The following CD4 variants were observed in gnomAD, a reference collection of about 807,000 sequenced individuals.
CD4 encodes CD4 molecule.
A neutral mutation model predicts 50.5 loss-of-function variants in CD4; 25 were observed. The observed-to-expected ratio is 0.49, with a 90% CI of 0.36 to 0.69. The LOEUF (loss-of-function observed/expected upper bound fraction) is 0.69, where lower values mean the gene tolerates loss of function less well. CD4 is among the 30% of genes least tolerant of loss of function. CD4 has a pLI of 0.00. For missense variants in CD4, 456 were observed against 548.5 expected, an observed-to-expected ratio of 0.83 and a Z score of 1.68; for synonymous variants, 207 against 221.9, an observed-to-expected ratio of 0.93 and a Z score of 0.60.
intron 1 of CD4, among the ~76,000 whole-genome samples, chr12:6,798,251 C>G (rs1179312955): frequency 2.3e-5 from 2 of 86,110 alleles, no homozygotes; most frequent in South Asian, 2.4e-4. Context: ...CTCACTGCCA[C>G]CTCTGCCTCC....
At chr12:6,817,431 G>GAATCCAACATCAAGGGTAA in intron 7 of CD4, 101 bp downstream of exon 7, 1 of 987,976 alleles carries the variant, frequency 1.0e-6, no homozygotes, top group South Asian at 1.5e-5. Flanking sequence ...GCCTGAGTTG[G>GAATCCAACATCAAGGGTAA]GGGGTTATGG....
In CD4 at chr12:6,792,916, G is replaced by A. The variant is rs937950956; in HGVS notation, c.-68+3254G>A. Reference sequence around the variant, plus strand: ...GGGGGCATAAGCTGGGGGCTGGGAAGCATAGATACAGAAATGCACAGATGT... The same window carrying A: ...GGGGGCATAAGCTGGGGGCTGGGAAACATAGATACAGAAATGCACAGATGT... On this transcript the variant is annotated intron_variant, in intron 1 of 9. Transcript: ENST00000011653. The surrounding 1 kb of genome is among the most constrained non-coding windows in gnomAD (Gnocchi z 4.1). Among the ~76,000 whole-genome samples, 6 of 152,106 alleles carry A rather than the reference G, an allele frequency of 3.9e-5. No individual in the cohort carries two copies. The highest frequency in any genetic ancestry group is 8.8e-5 in the Non-Finnish European group (6 of 68,016).
chr12:6,801,483 C>T (rs1283565332), intron 3 of CD4, among the ~76,000 whole-genome samples: 1 of 146,310 alleles, frequency 6.8e-6, no homozygotes, highest in Admixed American at 6.9e-5. Context: ...CACCACTGCA[C>T]TCCAGCCTGG....
Position 6,814,847 on chromosome 12 carries a change from A to G in CD4, c.462A>G (p.Gln154=), listed in dbSNP as rs782132916. The change falls in exon 5 of 10, where the codon CAA becomes CAG. Residue 154 remains glutamine, a synonymous_variant. Transcript: ENST00000011653. ...CCCCTGGTAGTAGCCCCTCAGTGCA[A>G]TGTAGGAGTCCAAGGGGTAAAAACA... is the stretch of plus-strand genomic sequence containing the variant. ...ESPPGSSPSV[Q]CRSPRGKNIQ... is the part of the protein sequence containing the mutation. 6.2e-7 allele frequency: 1 copy of G among 1,613,364 alleles called. No individual in the cohort carries two copies. Among genetic ancestry groups the G allele is most frequent in the African/African-American group, 1.3e-5 (1 of 74,786 alleles).
At chr12:6,807,458 A>G (rs550609567) in intron 3 of CD4, among the ~76,000 whole-genome samples, 75 of 152,324 alleles carry the variant, frequency 4.9e-4, no homozygotes, top group Admixed American at 1.1e-3. Flanking sequence ...AAAAAAAGCC[A>G]ATCTCAAAAG....
At chr12:6,800,549 T>C (rs1168125429) in intron 3 of CD4, 78 bp downstream of exon 3, 4 of 1,306,594 alleles carry the variant, frequency 3.1e-6, no homozygotes, top group Non-Finnish European at 4.2e-6. Context: ...GATCTGGTCT[T>C]AGTTAAACTC....
At chr12:6,794,786 G>GTTTTTTTTTTTTTTTTT (rs1220016459) in intron 1 of CD4, among the ~76,000 whole-genome samples, 1 of 105,370 alleles carries the variant, frequency 9.5e-6, no homozygotes, top group African/African-American at 3.5e-5. Flanking sequence ...TTTTTTTTTT[G>GTTTTTTTTTTTTTTTTT]TTTTTTTTTT....
In CD4 at chr12:6,818,844, C is replaced by T. The variant is rs782371596; in HGVS notation, c.1279-3C>T. ...CGTGACTCCCTTTCTTGTCCCTGGA[C>T]AGCGCCAAGCAGAGCGGATGTCTCA... On this transcript the variant is annotated splice_region_variant and splice_polypyrimidine_tract_variant and intron_variant, in intron 8 of 9. Transcript: ENST00000011653. The surrounding 1 kb of genome is among the most constrained non-coding windows in gnomAD (Gnocchi z 5.0). The T allele has an allele frequency of 1.2e-6, 2 of 1,613,170 alleles. No homozygotes were observed. Among genetic ancestry groups the T allele is most frequent in the Middle Eastern group, 1.6e-4 (1 of 6,062 alleles).
chr12:6,806,859 G>C (rs1235142545), intron 3 of CD4, among the ~76,000 whole-genome samples: 1 of 152,178 alleles, frequency 6.6e-6, no homozygotes, highest in African/African-American at 2.4e-5. Flanking sequence ...AAAACAGTTT[G>C]ATAGTTTCTT....
rs145973129 is a variant in CD4, at chr12:6,818,898, A to G, written c.1330A>G (p.Thr444Ala). Residue 444 changes from threonine (T) to alanine (A), a missense_variant, in exon 9 of 10, where the codon ACC (threonine) becomes GCC (alanine). Thr to Ala is a moderately conservative substitution (Grantham distance 58). Transcript: ENST00000011653. The surrounding 1 kb of genome is among the most constrained non-coding windows in gnomAD (Gnocchi z 5.0). ...QIKRLLSEKKTCQCPHRFQKT... is the reference protein window; with the variant it reads ...QIKRLLSEKKACQCPHRFQKT... ...CAAGAGACTCCTCAGTGAGAAGAAG[A>G]CCTGCCAGTGTCCTCAGTAAGGATC... is the stretch of plus-strand genomic sequence containing the variant. 2.5e-4 allele frequency: 388 copies of G among 1,580,298 alleles called. 1 individual carries two copies. Among genetic ancestry groups the G allele is most frequent in the Non-Finnish European group, 3.0e-4 (345 of 1,162,292 alleles).
chr12:6,793,840 C>T (rs1419937267), intron 1 of CD4, among the ~76,000 whole-genome samples: 2 of 151,488 alleles, frequency 1.3e-5, no homozygotes, highest in South Asian at 2.1e-4. Context: ...TTAGTAGACA[C>T]GGGGGTTTCA....
At chr12:6,794,724 C>T (rs187041714) in intron 1 of CD4, among the ~76,000 whole-genome samples, 184 of 148,250 alleles carry the variant, frequency 1.2e-3, no homozygotes, top group Admixed American at 2.3e-3. Context: ...TCTATTTTAT[C>T]TGTTTATCTT....
Position 6,804,212 on chromosome 12 carries a change from C to G in CD4, c.214+3741C>G, listed in dbSNP as rs782385034. On this transcript the variant is annotated intron_variant, in intron 3 of 9. Coordinates refer to ENST00000011653, the MANE Select transcript of CD4 (RefSeq NM_000616.5). ...CACACAATGCAAAAGACCCACCCTA[C>G]TACAACTAACATTATATTTAATGGT... 2.2e-4 allele frequency among the ~76,000 whole-genome samples: 33 copies of G among 152,000 alleles called. No homozygotes were observed. The South Asian group carries it at 6.8e-3, about 32-fold the overall frequency.
chr12:6,812,453 G>A (rs1555117138), intron 3 of CD4, among the ~76,000 whole-genome samples: 1 of 152,194 alleles, frequency 6.6e-6, no homozygotes, highest in Non-Finnish European at 1.5e-5. Context: ...GCCAAGGCGA[G>A]CGGATCACCT....
At chr12:6,817,814 C>A (rs1555118216) in intron 7 of CD4, among the ~76,000 whole-genome samples, 1 of 150,806 alleles carries the variant, frequency 6.6e-6, no homozygotes, top group Non-Finnish European at 1.5e-5. Flanking sequence ...TACTCACACC[C>A]ATGCACTCAC....
intron 1 of CD4, among the ~76,000 whole-genome samples, chr12:6,791,762 G>A (rs909430853): frequency 2.6e-5 from 4 of 152,140 alleles, no homozygotes; most frequent in Non-Finnish European, 5.9e-5. Context: ...TGTGCCTGTG[G>A]TTCCAGCTAC....
chr12:6,815,683 C>G (rs781787913), intron 5 of CD4: 1 of 1,289,836 alleles, frequency 7.8e-7, no homozygotes, highest in Non-Finnish European at 1.0e-6. Context: ...AAAATGGTGC[C>G]TGGCACAGAG....
rs782008664 is a variant in CD4, at chr12:6,818,473, G to A, written c.1209G>A (p.Gly403=). The A allele has an allele frequency of 5.4e-5, 87 of 1,612,864 alleles. No homozygotes were observed. The highest frequency in any genetic ancestry group is 3.9e-5 in the Non-Finnish European group (46 of 1,180,028). The change falls in exon 8 of 10, where the codon GGG becomes GGA. Residue 403 remains glycine (G), a synonymous_variant. Coordinates refer to ENST00000011653, the MANE Select transcript of CD4 (RefSeq NM_000616.5). The surrounding 1 kb of genome is among the most constrained non-coding windows in gnomAD (Gnocchi z 5.0). ...PVQPMALIVL[G]GVAGLLLFIG... is the part of the protein sequence containing the mutation. ...AGCCAATGGCCCTGATTGTGCTGGG[G>A]GGCGTCGCCGGCCTCCTGCTTTTCA...
chr12:6,812,771 T>TTTG (rs1555117199), intron 3 of CD4, among the ~76,000 whole-genome samples: 1 of 57,560 alleles, frequency 1.7e-5, no homozygotes, highest in African/African-American at 4.8e-5. Context: ...AAGGTTATTT[T>TTTG]TGTGTGTGTG....
Sources: allele counts gnomAD v4.1 joint callset (sites outside exome capture counted in the v4.1 genomes callset), GRCh38; gene constraint gnomAD v4.1.1; non-coding constraint Gnocchi (gnomAD v3.1); transcripts MANE v1.5; gene names NCBI Gene and HGNC (gene_info 2026-07-23, HGNC 2026-07-21).